The following CSPG4 variants were observed in gnomAD, a reference collection of about 807,000 sequenced individuals.
CSPG4 encodes chondroitin sulfate proteoglycan 4 (melanoma-associated).
A neutral mutation model predicts 139.3 loss-of-function variants in CSPG4; 74 were observed. That is an observed-to-expected ratio of 0.53 (90% confidence interval 0.44 to 0.64). The LOEUF is 0.64. Ranked by LOEUF, CSPG4 falls within the 30% of genes least tolerant of loss-of-function variation. CSPG4 has a pLI of 0.00. For missense variants in CSPG4, 2,565 were observed against 3,148.3 expected (o/e 0.81, Z 4.43); for synonymous variants, 1,234 against 1,394.2 (o/e 0.89, Z 2.56).
chr15:75,687,840 C>A lies in CSPG4; in HGVS notation c.3225G>T (p.Thr1075=), dbSNP rs757069529. 1.2e-6 allele frequency: 2 copies of A among 1,612,790 alleles called. No homozygotes were observed. Among genetic ancestry groups the A allele is most frequent in the Non-Finnish European group, 1.7e-6 (2 of 1,180,034 alleles). The change falls in exon 3 of 10, where the codon ACG becomes ACT. Residue 1075 remains threonine, a synonymous_variant. Coordinates refer to ENST00000308508, the MANE Select transcript of CSPG4 (RefSeq NM_001897.5). This position sits in a 1 kb window ranked among gnomAD's most constrained non-coding sequence, Gnocchi z 5.4. ...CCTGGGTGAAGCGGTAGATGGGCCG[C>A]GTGGGCTCATCTACGGCCACGATAC... is the stretch of plus-strand genomic sequence containing the variant. ...FGSIVAVDEP[T]RPIYRFTQED...
At chr15:75,678,057 G>C (rs761717490) in intron 8 of CSPG4, among the ~76,000 whole-genome samples, 171 bp from the exon 9 acceptor site, 1 of 152,238 alleles carries the variant, frequency 6.6e-6, no homozygotes, top group Admixed American at 6.5e-5. Flanking sequence ...AGGCAATGCA[G>C]TGCAGAGCTG....
chr15:75,676,242 G>A lies in CSPG4; in HGVS notation c.6277C>T (p.Arg2093Cys), dbSNP rs765750169. ...CTGGCTCGGGGCACGCGGACCACGC[G>A]GCCATGCCGGGGTCCCTCCAGGAGG... ...FRLLEGPRHG[R>C]VVRVPRARTE... The change falls in exon 10 of 10, where the codon CGC becomes TGC. Residue 2093 changes from arginine to cysteine, a missense_variant. By Grantham distance (180) the Arg-to-Cys change is radical. Coordinates refer to ENST00000308508, the MANE Select transcript of CSPG4 (RefSeq NM_001897.5). 1.0e-5 allele frequency: 16 copies of A among 1,556,638 alleles called. No individual in the cohort carries two copies. Among genetic ancestry groups the A allele is most frequent in the South Asian group, 6.9e-5 (6 of 86,722 alleles).
rs911648785 is a variant in CSPG4 at position 75,674,484 on chromosome 15, G to C, written c.*1066C>G. 9 of 374,684 alleles carry C rather than the reference G, an allele frequency of 2.4e-5. No homozygotes were observed. In the Admixed American group the frequency reaches 3.7e-4, roughly 15 times the overall value. 23.2% of individuals were successfully genotyped at this position (374,684 alleles called of 1,614,324 possible). A position where few individuals can be genotyped will look rare whatever the true frequency, so the allele number is the denominator to read the frequency against. On this transcript the variant is annotated 3_prime_UTR_variant, in exon 10 of 10. Transcript: ENST00000308508. ...GAGGTCTGGGAGGCCCCAGGAGGTG[G>C]AAGTTCAGAGGCCTGCCTGGCCCTG...
rs1209223889 is a variant in CSPG4 at position 75,685,403 on chromosome 15, T to C, written c.4088A>G (p.Gln1363Arg). The part of the protein sequence containing the change: ...VLPAAIPLEA[Q>R]NFSVPEGGSL... ...GCCACCCTCAGGGACGCTGAAGTTT[T>C]GCGCCTCTAGTGGGATGGCAGCGGG... is the stretch of plus-strand genomic sequence containing the variant. Residue 1363 changes from glutamine (Q) to arginine (R), a missense_variant, in exon 4 of 10, where the codon CAA becomes CGA. Gln to Arg is a conservative substitution (Grantham distance 43). Around this residue, in one of 5 missense-constraint regions of CSPG4, gnomAD observed 2,316 missense variants for 2,818.2 expected, o/e 0.82. Coordinates refer to ENST00000308508, the MANE Select transcript of CSPG4 (RefSeq NM_001897.5). 6.2e-7 allele frequency: 1 copy of C among 1,611,836 alleles called. No homozygotes were observed. The highest frequency in any genetic ancestry group is 1.7e-5 in the Admixed American group (1 of 59,934).
Position 75,688,636 on chromosome 15 carries a change from G to T in CSPG4, c.2429C>A (p.Thr810Asn). 6.2e-7 allele frequency: 1 copy of T among 1,612,606 alleles called. No individual in the cohort carries two copies. The highest frequency in any genetic ancestry group is 8.5e-7 in the Non-Finnish European group (1 of 1,179,834). ...ETLTTAHLEA[T>N]LEEAGPSPPT... ...GGGGCTTGGGCCTGCCTCCTCCAGGGTGGCCTCCAGGTGGGCTGTGGTGAG... is the reference window on the plus strand; with the variant it reads ...GGGGCTTGGGCCTGCCTCCTCCAGGTTGGCCTCCAGGTGGGCTGTGGTGAG... The change falls in exon 3 of 10, where the codon ACC becomes AAC. Residue 810 changes from threonine to asparagine, a missense_variant. By Grantham distance (65) the Thr-to-Asn change is moderately conservative. Transcript: ENST00000308508.
chr15:75,692,953 A>C (rs1242464816), intron 2 of CSPG4, 117 bp downstream of exon 2: 2 of 605,182 alleles, frequency 3.3e-6, no homozygotes, highest in Non-Finnish European at 5.9e-6. Context: ...TGGAGAACTT[A>C]AGACCCCAAG....
At chr15:75,684,096 G>C (rs528687816) in intron 5 of CSPG4, among the ~76,000 whole-genome samples, 48 of 145,292 alleles carry the variant, frequency 3.3e-4, no homozygotes, top group African/African-American at 1.1e-3. Context: ...GGAAACTTCA[G>C]TGGCTCCTGC....
rs76879411 is a variant in CSPG4, at chr15:75,696,925, C to G, written c.89-3692G>C. Reference sequence around the variant, plus strand: ...GCTGCGCTGGCATCTCCGGGCTCCCCGGAGGCACTACTAGGAGGAGTGTGG... The same window carrying G: ...GCTGCGCTGGCATCTCCGGGCTCCCGGGAGGCACTACTAGGAGGAGTGTGG... On this transcript the variant is annotated intron_variant, in intron 1 of 9. Coordinates refer to ENST00000308508, the MANE Select transcript of CSPG4 (RefSeq NM_001897.5). The surrounding 1 kb of genome is among the most constrained non-coding windows in gnomAD (Gnocchi z 4.2). Among the ~76,000 whole-genome samples the G allele has an allele frequency of 1.3e-5, 2 of 152,220 alleles. No individual in the cohort carries two copies. The highest frequency in any genetic ancestry group is 2.9e-5 in the Non-Finnish European group (2 of 68,024).
intron 8 of CSPG4, chr15:75,678,668 T>G (rs1192391304): frequency 2.2e-6 from 1 of 456,232 alleles, no homozygotes; most frequent in Admixed American, 2.3e-5. Context: ...AAAACTATTC[T>G]TGACTTCACA....
Position 75,675,014 on chromosome 15 carries a change from C to G in CSPG4, c.*536G>C, listed in dbSNP as rs1458526470. Reference sequence around the variant, plus strand: ...TTCTAGACTGGAGGCGCTCTCTCCTCTTGCCCTCTACTCCAGGGGATACCA... The same window carrying G: ...TTCTAGACTGGAGGCGCTCTCTCCTGTTGCCCTCTACTCCAGGGGATACCA... On this transcript the variant is annotated 3_prime_UTR_variant, in exon 10 of 10. Transcript: ENST00000308508. 3 of 393,390 alleles carry G rather than the reference C, an allele frequency of 7.6e-6. No homozygotes were observed. In the East Asian group the frequency reaches 1.1e-4, roughly 14 times the overall value. The allele number at this position is 393,390 out of a possible 1,614,324, so 24.4% of individuals were successfully genotyped here.
At position 75,688,542 on chromosome 15, in the gene CSPG4, C is replaced by T. The variant is rs748834575; in HGVS notation, c.2523G>A (p.Leu841=). 12 of 1,613,090 alleles carry T rather than the reference C, an allele frequency of 7.4e-6. No homozygotes were observed. In the South Asian group the frequency reaches 9.9e-5, roughly 13 times the overall value. Residue 841 remains leucine (L), a synonymous_variant, in exon 3 of 10, where the codon CTG becomes CTA. Coordinates refer to ENST00000308508, the MANE Select transcript of CSPG4 (RefSeq NM_001897.5). ...CCTGGGTGAAGCCCTGGCCATCTGA[C>T]AGCCTTGTGCCCTGTAGTTGAAGGT... ...KGNLQLQGTR[L]SDGQGFTQDD...
intron 8 of CSPG4, chr15:75,679,165 A>C (rs1596005895): frequency 5.5e-6 from 1 of 182,338 alleles, no homozygotes; most frequent in Non-Finnish European, 1.1e-5. Flanking sequence ...GTTTCCAGCT[A>C]CCTCTGCCGA....
chr15:75,687,183 C>T lies in CSPG4; in HGVS notation c.3789+93G>A, dbSNP rs1894071298. Reference sequence around the variant, plus strand: ...CACATGTAACCTGGAGCCACCACAGCCACAGCCCAAGTCACGTGTGTTCCT... The same window carrying T: ...CACATGTAACCTGGAGCCACCACAGTCACAGCCCAAGTCACGTGTGTTCCT... On this transcript the variant is annotated intron_variant, in intron 3 of 9. Coordinates refer to ENST00000308508, the MANE Select transcript of CSPG4 (RefSeq NM_001897.5). This position sits in a 1 kb window ranked among gnomAD's most constrained non-coding sequence, Gnocchi z 5.4. The T allele has an allele frequency of 6.7e-7, 1 of 1,483,326 alleles. No homozygotes were observed. Among genetic ancestry groups the T allele is most frequent in the Admixed American group, 1.7e-5 (1 of 59,170 alleles). 91.9% of individuals were successfully genotyped at this position (1,483,326 alleles called of 1,614,324 possible).
In CSPG4 at chr15:75,674,472, C is replaced by G; in HGVS notation, c.*1078G>C. 2.7e-6 allele frequency: 1 copy of G among 366,894 alleles called. No individual in the cohort carries two copies. The highest frequency in any genetic ancestry group is 3.9e-5 in the East Asian group (1 of 25,926). 22.7% of individuals were successfully genotyped at this position (366,894 alleles called of 1,614,324 possible). A position where few individuals can be genotyped will look rare whatever the true frequency, so the allele number is the denominator to read the frequency against. On this transcript the variant is annotated 3_prime_UTR_variant, in exon 10 of 10. Coordinates refer to ENST00000308508, the MANE Select transcript of CSPG4 (RefSeq NM_001897.5). Reference sequence around the variant, plus strand: ...GTGGGGGCACAGGAGGTCTGGGAGGCCCCAGGAGGTGGAAGTTCAGAGGCC... The same window carrying G: ...GTGGGGGCACAGGAGGTCTGGGAGGGCCCAGGAGGTGGAAGTTCAGAGGCC...
chr15:75,695,099 A>G (rs1188407038), intron 1 of CSPG4, among the ~76,000 whole-genome samples: 1 of 152,152 alleles, frequency 6.6e-6, no homozygotes, highest in Non-Finnish European at 1.5e-5. Flanking sequence ...AGAGGCAAAT[A>G]CTGCAAATCA....
chr15:75,704,428 A>T (rs990418570), intron 1 of CSPG4, among the ~76,000 whole-genome samples: 5 of 152,194 alleles, frequency 3.3e-5, no homozygotes, highest in African/African-American at 1.2e-4. Flanking sequence ...GGGCTCAGCC[A>T]GGCTCCAGAT....
rs749653455 is a variant in CSPG4 at position 75,687,351 on chromosome 15, T to A, written c.3714A>T (p.Pro1238=). The part of the protein sequence containing the change: ...VTIALEGPLA[P]LKLVRHKKIY... ...TCTTCTTGTGCCGGACCAGCTTCAG[T>A]GGGGCCAGTGGGCCCTCTAGGGCAA... Residue 1238 remains proline (P), a synonymous_variant, in exon 3 of 10, where the codon CCA becomes CCT. Coordinates refer to ENST00000308508, the MANE Select transcript of CSPG4 (RefSeq NM_001897.5). This position sits in a 1 kb window ranked among gnomAD's most constrained non-coding sequence, Gnocchi z 5.4. 6.2e-7 allele frequency: 1 copy of A among 1,606,114 alleles called. No homozygotes were observed. The highest frequency in any genetic ancestry group is 1.3e-5 in the African/African-American group (1 of 74,894).
chr15:75,710,057 C>A (rs1894427741), intron 1 of CSPG4, among the ~76,000 whole-genome samples: 1 of 151,946 alleles, frequency 6.6e-6, no homozygotes, highest in Admixed American at 6.6e-5. Context: ...GCAGGATCTA[C>A]CCTGCTTCAA....
chr15:75,676,928 G>T lies in CSPG4; in HGVS notation c.5591C>A (p.Ala1864Asp). 1 of 1,553,286 alleles carries T rather than the reference G, an allele frequency of 6.4e-7. No individual in the cohort carries two copies. The highest frequency in any genetic ancestry group is 1.9e-5 in the Admixed American group (1 of 52,272). Residue 1864 changes from alanine to aspartate, a missense_variant, in exon 10 of 10, where the codon GCT becomes GAT. Ala to Asp is a moderately radical substitution (Grantham distance 126, BLOSUM62 -2). Around this residue, in one of 5 missense-constraint regions of CSPG4, gnomAD observed 2,316 missense variants for 2,818.2 expected, o/e 0.82. Transcript: ENST00000308508. ...GACCTCGTACTCAATCTCCCCAGGA[G>T]CTGAGTCTGGGTCCACCACACTCAG... ...AQLSVVDPDSAPGEIEYEVQR... is the reference protein window; with the variant it reads ...AQLSVVDPDSDPGEIEYEVQR...
Sources: gnomAD v4.1 joint callset for allele counts (sites outside exome capture counted in the v4.1 genomes callset) on GRCh38, gnomAD v4.1.1 for gene constraint, gnomAD v4.1.1 regional missense constraint, Gnocchi (gnomAD v3.1) non-coding constraint, MANE v1.5 for transcripts, NCBI Gene and HGNC (gene_info 2026-07-23, HGNC 2026-07-21) for gene names.